Variants in S100A1 observed in about 807,000 individuals in gnomAD.
S100A1 encodes the protein protein S100-A1.
In S100A1, 3 loss-of-function variants were observed where a neutral mutation model predicts 7.6. The ratio of observed to expected loss-of-function variants is 0.40; its 90% CI spans 0.18 to 1.02. The LOEUF (loss-of-function observed/expected upper bound fraction) is 1.02. Among genes scored for constraint, S100A1 ranks in the 50% least tolerant of loss-of-function variants. The probability of loss-of-function intolerance (pLI) is 0.35; values close to 1 mark genes in which losing one functional copy is unlikely to be tolerated. For missense variants in S100A1, 126 were observed against 115.0 expected, an observed-to-expected ratio of 1.10 and a Z score of -0.44; for synonymous variants, 49 against 49.0, an observed-to-expected ratio of 1.00 and a Z score of 0.00.
At chr1:153,628,788 C>A in intron 1 of S100A1, 1 of 441,906 alleles carries the variant, frequency 2.3e-6, no homozygotes. Context: ...ACAGGGAGCC[C>A]TCAAGTCCCT....
chr1:153,631,300 T>C (rs1667996710), intron 2 of S100A1: 2 of 693,584 alleles, frequency 2.9e-6, no homozygotes, highest in Admixed American at 2.9e-5. Flanking sequence ...ATTCCAGCCC[T>C]GCTACTTTCT....
chr1:153,630,695 G>A (rs748845886), intron 2 of S100A1, 33 bp downstream of exon 2: 5 of 1,609,788 alleles, frequency 3.1e-6, no homozygotes, highest in Middle Eastern at 3.3e-4. Flanking sequence ...GGAGTGGAGT[G>A]GGTGAAGGTT....
In S100A1 at chr1:153,631,738, A is replaced by G; in HGVS notation, c.182A>G (p.Glu61Gly). ...DVDAVDKVMKELDENGDGEVD... is the reference protein window; with the variant it reads ...DVDAVDKVMKGLDENGDGEVD... ...GATGCTGTGGACAAGGTGATGAAGG[A>G]GCTAGACGAGAATGGAGACGGGGAG... Residue 61 changes from glutamate to glycine, a missense_variant, in exon 3 of 3, where the codon GAG becomes GGG. Glu to Gly is a moderately conservative substitution (Grantham distance 98). Transcript: ENST00000292169. The G allele has an allele frequency of 6.2e-7, 1 of 1,614,188 alleles. No homozygotes were observed. Among genetic ancestry groups the G allele is most frequent in the Non-Finnish European group, 8.5e-7 (1 of 1,180,044 alleles).
chr1:153,631,462 A>T (rs1006155660), intron 2 of S100A1: 2 of 1,580,128 alleles, frequency 1.3e-6, no homozygotes, highest in African/African-American at 2.7e-5. Flanking sequence ...TTGCTTTATT[A>T]TAGGCACTGA....
In S100A1 at chr1:153,631,448, G is replaced by A. The variant is rs1571303198; in HGVS notation, c.142-250G>A. On this transcript the variant is annotated intron_variant, in intron 2 of 2. Coordinates refer to ENST00000292169, the MANE Select transcript of S100A1 (RefSeq NM_006271.2). ...CAGTGCTTGTAAAGCTCCTAGTGTA[G>A]TGCTTGCTTTATTATAGGCACTGAA... The A allele has an allele frequency of 2.6e-6, 4 of 1,565,066 alleles. No individual in the cohort carries two copies. The East Asian group carries it at 9.6e-5, about 38-fold the overall frequency.
intron 2 of S100A1, chr1:153,631,413 T>A: frequency 6.8e-7 from 1 of 1,463,954 alleles, no homozygotes; most frequent in Non-Finnish European, 9.3e-7. Flanking sequence ...TGTATTAGAA[T>A]TAAATTAGAC....
At chr1:153,630,812 C>T in intron 2 of S100A1, 150 bp downstream of exon 2, 1 of 1,045,380 alleles carries the variant, frequency 9.6e-7, no homozygotes, top group South Asian at 1.7e-5. Context: ...TTTCCAGGCT[C>T]CCCTACTCCT....
chr1:153,630,050 G>A (rs952675890), intron 1 of S100A1: 2 of 175,656 alleles, frequency 1.1e-5, no homozygotes, highest in African/African-American at 4.7e-5. Flanking sequence ...CAGAAGGAAG[G>A]CTGTAGTGGA....
intron 1 of S100A1, chr1:153,628,739 G>T (rs951014259): frequency 1.5e-6 from 1 of 652,252 alleles, no homozygotes; most frequent in East Asian, 2.9e-5. Flanking sequence ...GAAGCCAGTG[G>T]GGAACCCACC....
At chr1:153,631,461 T>C in intron 2 of S100A1, 2 of 1,579,268 alleles carry the variant, frequency 1.3e-6, no homozygotes, top group Non-Finnish European at 8.6e-7. Context: ...CTTGCTTTAT[T>C]ATAGGCACTG....
chr1:153,631,093 A>G (rs918601038), intron 2 of S100A1: 1 of 297,320 alleles, frequency 3.4e-6, no homozygotes, highest in Admixed American at 4.7e-5. Context: ...GTAAATGCAG[A>G]CATTTTAGGA....
Position 153,631,856 on chromosome 1 carries a change from T to C in S100A1, c.*15T>C, listed in dbSNP as rs1429043359. ...AGAACAGTTGAGCAGACAGCCACAT[T>C]GGGCAGCGCCCTTCCTCTCCACCCT... On this transcript the variant is annotated 3_prime_UTR_variant, in exon 3 of 3. Transcript: ENST00000292169. 6.2e-7 allele frequency: 1 copy of C among 1,612,036 alleles called. No homozygotes were observed. Among genetic ancestry groups the C allele is most frequent in the African/African-American group, 1.3e-5 (1 of 74,992 alleles).
rs1668040673 is a variant in S100A1, at chr1:153,631,952, A to ACCCCAC, written c.*125_*130dup. The stretch of plus-strand genomic sequence containing the variant: ...CCTCTCCATAACCCCACCCTTGCCC[A>ACCCCAC]CCCCACCCCCACCCCCACCAAGGGC... On this transcript the variant is annotated 3_prime_UTR_variant, in exon 3 of 3. Coordinates refer to ENST00000292169, the MANE Select transcript of S100A1 (RefSeq NM_006271.2). The ACCCCAC allele has an allele frequency of 1.3e-5, 14 of 1,118,792 alleles. No homozygotes were observed. The highest frequency in any genetic ancestry group is 1.6e-5 in the South Asian group (1 of 61,954). 69.3% of individuals were successfully genotyped at this position (1,118,792 alleles called of 1,614,324 possible). A position where few individuals can be genotyped will look rare whatever the true frequency, so the allele number is the denominator to read the frequency against.
chr1:153,631,964 C>A lies in S100A1; in HGVS notation c.*123C>A. ...CCCACCCTTGCCCACCCCACCCCCA[C>A]CCCCACCAAGGGCGCAAGAGTAGCG... is the stretch of plus-strand genomic sequence containing the variant. On this transcript the variant is annotated 3_prime_UTR_variant, in exon 3 of 3. Transcript: ENST00000292169. 2 of 1,162,354 alleles carry A rather than the reference C, an allele frequency of 1.7e-6. No individual in the cohort carries two copies. The highest frequency in any genetic ancestry group is 2.6e-5 in the East Asian group (1 of 38,732). The allele number at this position is 1,162,354 out of a possible 1,614,324, so 72.0% of individuals were successfully genotyped here.
Position 153,628,529 on chromosome 1 carries a change from G to A in S100A1, c.-14+33G>A, listed in dbSNP as rs564933764. 3.9e-6 allele frequency: 6 copies of A among 1,549,930 alleles called. No individual in the cohort carries two copies. The East Asian group carries it at 1.2e-4, about 32-fold the overall frequency. The stretch of plus-strand genomic sequence containing the variant: ...CCCTGCCCCACTGGGCTAGTCCCTG[G>A]CCTGCCAGCTTCAGGGAGAGGGGTC... On this transcript the variant is annotated intron_variant, in intron 1 of 2. Coordinates refer to ENST00000292169, the MANE Select transcript of S100A1 (RefSeq NM_006271.2).
rs768325636 is a variant in S100A1, at chr1:153,630,614, G to A, written c.93G>A (p.Lys31=). ...GKEGDKYKLS[K]KELKELLQTE... is the part of the protein sequence containing the mutation. ...AGGGGGACAAGTACAAGCTGAGCAAGAAGGAGCTGAAAGAGCTGCTGCAGA... is the reference window on the plus strand; with the variant it reads ...AGGGGGACAAGTACAAGCTGAGCAAAAAGGAGCTGAAAGAGCTGCTGCAGA... Residue 31 remains lysine (K), a synonymous_variant, in exon 2 of 3, where the codon AAG becomes AAA. Coordinates refer to ENST00000292169, the MANE Select transcript of S100A1 (RefSeq NM_006271.2). 1 of 1,614,136 alleles carries A rather than the reference G, an allele frequency of 6.2e-7. No homozygotes were observed. Among genetic ancestry groups the A allele is most frequent in the East Asian group, 2.2e-5 (1 of 44,900 alleles).
rs1488378339 is a variant in S100A1, at chr1:153,631,892, C to G, written c.*51C>G. 2 of 1,589,936 alleles carry G rather than the reference C, an allele frequency of 1.3e-6. No individual in the cohort carries two copies. Among genetic ancestry groups the G allele is most frequent in the South Asian group, 2.3e-5 (2 of 87,786 alleles). On this transcript the variant is annotated 3_prime_UTR_variant, in exon 3 of 3. Coordinates refer to ENST00000292169, the MANE Select transcript of S100A1 (RefSeq NM_006271.2). ...CTTCCTCTCCACCCTCCCAGACCTGCCTCTTCCCCCTGCTTCCACCTCACC... is the reference window on the plus strand; with the variant it reads ...CTTCCTCTCCACCCTCCCAGACCTGGCTCTTCCCCCTGCTTCCACCTCACC...
intron 2 of S100A1, chr1:153,630,950 C>T (rs775981516): frequency 1.9e-4 from 84 of 453,356 alleles, no homozygotes; most frequent in Non-Finnish European, 2.7e-4. Flanking sequence ...AAACCATGAA[C>T]TCCAGGAAAT....
intron 1 of S100A1, 135 bp downstream of exon 1, chr1:153,628,631 G>A (rs1215521095): frequency 2.1e-6 from 3 of 1,399,644 alleles, no homozygotes; most frequent in East Asian, 2.5e-5. Context: ...GTCAGGGTGA[G>A]GGCAGTTTGG....
Sources: gnomAD v4.1 joint callset for allele counts on GRCh38, gnomAD v4.1.1 for gene constraint, MANE v1.5 for transcripts, NCBI Gene and HGNC (gene_info 2026-07-23, HGNC 2026-07-21) for gene names.